NEK9: variants seen among roughly 807,000 people sequenced by gnomAD.
NEK9 encodes the protein serine/threonine-protein kinase Nek9.
A neutral mutation model predicts 123.4 loss-of-function variants in NEK9; 75 were observed. The ratio of observed to expected loss-of-function variants is 0.61; its 90% CI spans 0.50 to 0.74. The LOEUF (loss-of-function observed/expected upper bound fraction) is 0.74, where lower values mean the gene tolerates loss of function less well. NEK9 is among the 30% of genes least tolerant of loss of function. The probability of loss-of-function intolerance (pLI) is 0.00; values close to 1 mark genes in which losing one functional copy is unlikely to be tolerated. For missense variants in NEK9, 952 were observed against 1,214.4 expected, an observed-to-expected ratio of 0.78 and a Z score of 3.21; for synonymous variants, 438 against 458.7, an observed-to-expected ratio of 0.95 and a Z score of 0.58.
intron 16 of NEK9, among the ~76,000 whole-genome samples, chr14:75,100,748 A>G (rs986981609): frequency 1.3e-5 from 2 of 152,262 alleles, no homozygotes; most frequent in Non-Finnish European, 2.9e-5. Context: ...CTGAAATGAA[A>G]AAAGGAGGAA....
chr14:75,097,584 T>C (rs1186837138), intron 16 of NEK9, among the ~76,000 whole-genome samples: 1 of 152,188 alleles, frequency 6.6e-6, no homozygotes, highest in Non-Finnish European at 1.5e-5. Context: ...CATGGGGTGA[T>C]AGAGCAGTGA....
At chr14:75,093,735 G>C (rs968839797) in intron 18 of NEK9, among the ~76,000 whole-genome samples, 33 of 152,136 alleles carry the variant, frequency 2.2e-4, no homozygotes, top group Admixed American at 2.2e-3. Context: ...TGTTACAGGC[G>C]TGAGCCACCA....
Position 75,088,556 on chromosome 14 carries a change from A to AAC in NEK9, c.2527_2528insGT (p.Leu843ArgfsTer24), listed in dbSNP as rs773477846. The AAC allele has an allele frequency of 6.2e-7, 1 of 1,614,096 alleles. No individual in the cohort carries two copies. The highest frequency in any genetic ancestry group is 8.5e-7 in the Non-Finnish European group (1 of 1,179,992). The stretch of plus-strand genomic sequence containing the variant: ...GAGTCCTTGCAGCTCTTCATAGGGC[A>AAC]GGGTATCTTTCTCAGATTCTGAAAA... On this transcript the variant is annotated frameshift_variant, in exon 20 of 22. Coordinates refer to ENST00000238616, the MANE Select transcript of NEK9 (RefSeq NM_033116.6). LOFTEE classifies it high-confidence loss of function.
chr14:75,106,670 A>G lies in NEK9; in HGVS notation c.1360T>C (p.Tyr454His). The G allele has an allele frequency of 6.2e-7, 1 of 1,613,966 alleles. No homozygotes were observed. Among genetic ancestry groups the G allele is most frequent in the Non-Finnish European group, 8.5e-7 (1 of 1,180,010 alleles). ...TTGTCCACCCCCATGCAGCCATAATAATCTGATCCGAAGGCATAGAGCTGA... is the reference window on the plus strand; with the variant it reads ...TTGTCCACCCCCATGCAGCCATAATGATCTGATCCGAAGGCATAGAGCTGA... ...EGQLYAFGSD[Y>H]YGCMGVDKVA... The change falls in exon 12 of 22, where the codon TAT (tyrosine) becomes CAT (histidine). Residue 454 changes from tyrosine (Y) to histidine (H), a missense_variant. Tyr to His is a moderately conservative substitution (Grantham distance 83). Transcript: ENST00000238616.
intron 21 of NEK9, 164 bp from the exon 22 acceptor site, chr14:75,084,850 A>G (rs1566637039): frequency 2.6e-6 from 2 of 764,612 alleles, no homozygotes; most frequent in Non-Finnish European, 4.2e-6. Context: ...TTTTAGATAC[A>G]GTCCATACCT....
intron 21 of NEK9, chr14:75,084,919 T>G (rs990000851): frequency 1.9e-5 from 8 of 425,376 alleles, no homozygotes; most frequent in Non-Finnish European, 3.4e-5. Context: ...CTGCGGGGTT[T>G]CCTGGGATGC....
chr14:75,091,062 CAA>C lies in NEK9; in HGVS notation c.2442+206_2442+207del, dbSNP rs559511959. 4.2e-3 allele frequency among the ~76,000 whole-genome samples: 641 copies of C among 152,166 alleles called. 5 individuals carry two copies. The highest frequency in any genetic ancestry group is 0.015 in the African/African-American group (606 of 41,500). ...ACTTATAATACATTCACTTAAGTAA[CAA>C]GGGTATGAGAACATTTTTTATCTTT... On this transcript the variant is annotated intron_variant, in intron 19 of 21. Transcript: ENST00000238616.
rs961981383 is a variant in NEK9, at chr14:75,111,674, T to C, written c.939-1303A>G. ...GGGAGGCCGATGCAGGCAGATCACCTGAGGTCAGGAGTTCGAGACTAGCCT... is the reference window on the plus strand; with the variant it reads ...GGGAGGCCGATGCAGGCAGATCACCCGAGGTCAGGAGTTCGAGACTAGCCT... On this transcript the variant is annotated intron_variant, in intron 8 of 21. Coordinates refer to ENST00000238616, the MANE Select transcript of NEK9 (RefSeq NM_033116.6). Among the ~76,000 whole-genome samples, 5 of 152,202 alleles carry C rather than the reference T, an allele frequency of 3.3e-5. No individual in the cohort carries two copies. In the East Asian group the frequency reaches 7.7e-4, roughly 23 times the overall value.
At chr14:75,120,202 C>A (rs1895279409) in intron 4 of NEK9, among the ~76,000 whole-genome samples, 1 of 152,084 alleles carries the variant, frequency 6.6e-6, no homozygotes, top group South Asian at 2.1e-4. Flanking sequence ...TGAATTCTTA[C>A]CAAATACTAC....
chr14:75,097,961 C>T (rs180959875), intron 16 of NEK9, among the ~76,000 whole-genome samples: 49 of 152,324 alleles, frequency 3.2e-4, no homozygotes, highest in Admixed American at 4.6e-4. Flanking sequence ...GTCCTGCTCA[C>T]ATAGGGCCAG....
In NEK9 at chr14:75,083,009, T is replaced by C. The variant is rs535194532; in HGVS notation, c.*1555A>G. On this transcript the variant is annotated 3_prime_UTR_variant, in exon 22 of 22. Coordinates refer to ENST00000238616, the MANE Select transcript of NEK9 (RefSeq NM_033116.6). Reference sequence around the variant, plus strand: ...CCAAAGAAGATCCCATTGAACAGAGTTGCCTGTCCCGAGCAATGGGGTTCT... The same window carrying C: ...CCAAAGAAGATCCCATTGAACAGAGCTGCCTGTCCCGAGCAATGGGGTTCT... 135 of 398,568 alleles carry C rather than the reference T, an allele frequency of 3.4e-4. No homozygotes were observed. The highest frequency in any genetic ancestry group is 2.6e-3 in the African/African-American group (129 of 48,730). The allele number at this position is 398,568 out of a possible 1,614,324, so 24.7% of individuals were successfully genotyped here.
chr14:75,114,216 G>A lies in NEK9; in HGVS notation c.860C>T (p.Ser287Leu), dbSNP rs764676321. 2.5e-6 allele frequency: 4 copies of A among 1,612,732 alleles called. No individual in the cohort carries two copies. Among genetic ancestry groups the A allele is most frequent in the African/African-American group, 1.3e-5 (1 of 74,900 alleles). ...AGTCACACCTACCTGGTCAAGGCACGAATGAACCATTTGGATCAATTCCAA... is the reference window on the plus strand; with the variant it reads ...AGTCACACCTACCTGGTCAAGGCACAAATGAACCATTTGGATCAATTCCAA... ...YSLELIQMVH[S>L]CLDQDPEQRP... The change falls in exon 7 of 22, where the codon TCG (serine) becomes TTG (leucine). Residue 287 changes from serine (S) to leucine (L), a missense_variant. This residue lies in a region of NEK9 where 698 missense variants were observed against 875.6 expected (regional missense o/e 0.80). Coordinates refer to ENST00000238616, the MANE Select transcript of NEK9 (RefSeq NM_033116.6).
rs376478000 is a variant in NEK9, at chr14:75,118,568, C to G, written c.630+262G>C. 5.1e-4 allele frequency among the ~76,000 whole-genome samples: 77 copies of G among 152,320 alleles called. 1 individual carries two copies. The South Asian group carries it at 0.013, about 27-fold the overall frequency. Reference sequence around the variant, plus strand: ...AGTGAAATCTACTAAAGATCCTAACCTGGACAAAACAGTAAAGCATTTTGC... The same window carrying G: ...AGTGAAATCTACTAAAGATCCTAACGTGGACAAAACAGTAAAGCATTTTGC... On this transcript the variant is annotated intron_variant, in intron 5 of 21. Transcript: ENST00000238616.
rs754065976 is a variant in NEK9, at chr14:75,124,237, CAG to C, written c.220-16_220-15del. On this transcript the variant is annotated splice_polypyrimidine_tract_variant and intron_variant, in intron 1 of 21. Coordinates refer to ENST00000238616, the MANE Select transcript of NEK9 (RefSeq NM_033116.6). ...CAGTGAGTCATCCTAAACACAGTAA[CAG>C]AGGTATCGTGCTTTTCCTCTTGCCT... 1.9e-6 allele frequency: 3 copies of C among 1,608,924 alleles called. No individual in the cohort carries two copies. The highest frequency in any genetic ancestry group is 2.6e-6 in the Non-Finnish European group (3 of 1,175,656).
In NEK9 at chr14:75,106,544, T is replaced by A. The variant is rs778717253; in HGVS notation, c.1486A>T (p.Thr496Ser). Reference protein sequence around the residue: ...SCGDNHVVVLTRNKEVYSWGC... With the variant: ...SCGDNHVVVLSRNKEVYSWGC... The stretch of plus-strand genomic sequence containing the variant: ...CAAGAATAGACTTCCTTGTTTCGTG[T>A]CAGAACCACCACATGATTATCTCCA... The change falls in exon 12 of 22, where the codon ACA (threonine) becomes TCA (serine). Residue 496 changes from threonine (T) to serine (S), a missense_variant. Thr to Ser is a moderately conservative substitution (Grantham distance 58). Coordinates refer to ENST00000238616, the MANE Select transcript of NEK9 (RefSeq NM_033116.6). 2 of 1,613,942 alleles carry A rather than the reference T, an allele frequency of 1.2e-6. No individual in the cohort carries two copies. The highest frequency in any genetic ancestry group is 1.7e-6 in the Non-Finnish European group (2 of 1,180,036).
intron 11 of NEK9, 120 bp downstream of exon 11, chr14:75,107,223 A>T: frequency 9.5e-7 from 1 of 1,053,636 alleles, no homozygotes. Context: ...ATATTTGCTC[A>T]AGGTCCTCTG....
rs1895023361 is a variant in NEK9, at chr14:75,113,467, G to C, written c.874-64C>G. ...AATGGGCGACATCGGATCTAAAGAT[G>C]TTAATTAGTCAAAGACCACTGCATT... On this transcript the variant is annotated intron_variant, in intron 7 of 21. Coordinates refer to ENST00000238616, the MANE Select transcript of NEK9 (RefSeq NM_033116.6). The C allele has an allele frequency of 2.5e-6, 3 of 1,184,654 alleles. No individual in the cohort carries two copies. In the Admixed American group the frequency reaches 5.6e-5, roughly 22 times the overall value. The allele number at this position is 1,184,654 out of a possible 1,614,324, so 73.4% of individuals were successfully genotyped here. A position where few individuals can be genotyped will look rare whatever the true frequency, so the allele number is the denominator to read the frequency against.
chr14:75,084,645 C>T lies in NEK9; in HGVS notation c.2859G>A (p.Glu953=). The T allele has an allele frequency of 6.2e-7, 1 of 1,614,196 alleles. No homozygotes were observed. ...AGTCAGGCTTTGGATCCATTTCCAT[C>T]TCTTCCTTTGCTGTCTGAGTTCCTT... is the stretch of plus-strand genomic sequence containing the variant. ...HSKGTQTAKE[E]MEMDPKPDLD... The change falls in exon 22 of 22, where the codon GAG becomes GAA. Residue 953 remains glutamate (E), a synonymous_variant. Transcript: ENST00000238616.
At chr14:75,090,108 C>T (rs936372703) in intron 19 of NEK9, among the ~76,000 whole-genome samples, 14 of 152,176 alleles carry the variant, frequency 9.2e-5, no homozygotes, top group African/African-American at 3.1e-4. Flanking sequence ...GCTGGGATTA[C>T]AGATGTGAGC....
Sources: allele counts gnomAD v4.1 joint callset (sites outside exome capture counted in the v4.1 genomes callset), GRCh38; gene constraint gnomAD v4.1.1; regional missense constraint gnomAD v4.1.1; transcripts MANE v1.5; gene names NCBI Gene and HGNC (gene_info 2026-07-23, HGNC 2026-07-21).